Variants in CADM2 observed in about 807,000 individuals in gnomAD.
The protein encoded by CADM2 is immunoglobulin superfamily member 4D.
Under a neutral mutation model 49.8 loss-of-function variants are expected in CADM2, and 12 were observed. That is an observed-to-expected ratio of 0.24 (90% CI 0.15 to 0.39). The LOEUF is 0.39. CADM2 is among the 10% of genes least tolerant of loss of function. CADM2 has a pLI of 1.00. For missense variants in CADM2, 378 were observed against 492.3 expected (o/e 0.77, Z 2.20); for synonymous variants, 214 against 175.4 (o/e 1.22, Z -1.74).
intron 1 of CADM2, among the ~76,000 whole-genome samples, chr3:85,413,504 C>A (rs2035772224): frequency 6.6e-6 from 1 of 152,120 alleles, no homozygotes; most frequent in African/African-American, 2.4e-5. Context: ...GCTCATGGTT[C>A]TGCAGGCTGC....
At chr3:85,566,308 A>G (rs765937102) in intron 1 of CADM2, among the ~76,000 whole-genome samples, 2 of 152,154 alleles carry the variant, frequency 1.3e-5, no homozygotes, top group Non-Finnish European at 2.9e-5. Context: ...AGATTATTTC[A>G]TAATAATATG....
At chr3:85,761,089 C>T (rs1318201345) in intron 2 of CADM2, among the ~76,000 whole-genome samples, 7 of 152,054 alleles carry the variant, frequency 4.6e-5, no homozygotes, top group African/African-American at 1.2e-4. Flanking sequence ...GGATTACCTG[C>T]AGGAACATTT....
chr3:85,860,911 G>A (rs1005329171), intron 3 of CADM2, among the ~76,000 whole-genome samples: 2 of 152,114 alleles, frequency 1.3e-5, no homozygotes, highest in African/African-American at 2.4e-5. Context: ...TCTGAGGTGC[G>A]AATATAGCTT....
At chr3:85,886,160 T>C in intron 4 of CADM2, 30 bp from the exon 5 acceptor site, 1 of 1,609,786 alleles carries the variant, frequency 6.2e-7, no homozygotes, top group Non-Finnish European at 8.5e-7. Context: ...TGAAGATTGA[T>C]GCTCACTTCA....
chr3:85,879,249 AT>A (rs556757550), intron 3 of CADM2, among the ~76,000 whole-genome samples: 9 of 151,806 alleles, frequency 5.9e-5, no homozygotes, highest in Non-Finnish European at 1.2e-4. Context: ...TGAAATAGAC[AT>A]TTTTTTTAAA....
At chr3:85,500,768 C>T (rs1397773285) in intron 1 of CADM2, among the ~76,000 whole-genome samples, 2 of 152,098 alleles carry the variant, frequency 1.3e-5, no homozygotes, top group East Asian at 3.9e-4. Flanking sequence ...CCGCTTGCCT[C>T]GGCCTCCCAA....
chr3:85,676,592 C>T (rs2065892607), intron 1 of CADM2, among the ~76,000 whole-genome samples: 1 of 152,008 alleles, frequency 6.6e-6, no homozygotes, highest in Non-Finnish European at 1.5e-5. Context: ...TTACATAGGA[C>T]CTTCTATTTT....
intron 8 of CADM2, among the ~76,000 whole-genome samples, chr3:86,036,815 AGATGGT>A (rs1181379524): frequency 5.3e-5 from 8 of 152,190 alleles, no homozygotes; most frequent in Non-Finnish European, 1.2e-4. Context: ...GAAATAGAAC[AGATGGT>A]GATGGTGGTA....
intron 3 of CADM2, among the ~76,000 whole-genome samples, chr3:85,809,271 T>C (rs2072656061): frequency 6.6e-6 from 1 of 152,052 alleles, no homozygotes; most frequent in African/African-American, 2.4e-5. Flanking sequence ...ATAACTTGAG[T>C]AGTAAATGAC....
At chr3:85,464,043 T>G (rs1328784502) in intron 1 of CADM2, among the ~76,000 whole-genome samples, 2 of 152,148 alleles carry the variant, frequency 1.3e-5, no homozygotes, top group Admixed American at 6.6e-5. Context: ...CATGATGCAG[T>G]ATGAGCAATG....
chr3:85,865,276 AACTT>A (rs1404178454), intron 3 of CADM2, among the ~76,000 whole-genome samples: 1 of 152,174 alleles, frequency 6.6e-6, no homozygotes, highest in Non-Finnish European at 1.5e-5. Flanking sequence ...CCTCGGAACA[AACTT>A]AAGACCTGCA....
chr3:85,669,977 G>C (rs570572987), intron 1 of CADM2, among the ~76,000 whole-genome samples: 110 of 150,072 alleles, frequency 7.3e-4, no homozygotes, highest in African/African-American at 2.5e-3. Flanking sequence ...TCTCAGTTAG[G>C]CTACTAACTA....
chr3:85,714,972 G>A (rs766097400), intron 1 of CADM2, among the ~76,000 whole-genome samples: 28 of 151,952 alleles, frequency 1.8e-4, no homozygotes, highest in Non-Finnish European at 3.5e-4. Context: ...TACTAATACA[G>A]AGTCCAATCA....
intron 2 of CADM2, among the ~76,000 whole-genome samples, chr3:85,784,436 C>T (rs1169640719): frequency 6.6e-6 from 1 of 151,884 alleles, no homozygotes; most frequent in African/African-American, 2.4e-5. Context: ...TTTAGAAATA[C>T]AACACTCAGT....
chr3:86,064,748 T>C (rs1159574115), intron 8 of CADM2, among the ~76,000 whole-genome samples: 2 of 152,180 alleles, frequency 1.3e-5, no homozygotes, highest in African/African-American at 2.4e-5. Flanking sequence ...AAATGACCTT[T>C]TCATTTCTTC....
intron 8 of CADM2, among the ~76,000 whole-genome samples, chr3:85,990,821 C>T (rs984671099): frequency 6.6e-5 from 10 of 152,080 alleles, no homozygotes; most frequent in African/African-American, 2.2e-4. Flanking sequence ...TAAAGCCATG[C>T]GAGGCTTCTT....
At chr3:85,136,442 T>C (rs2039417098) in intron 1 of CADM2, among the ~76,000 whole-genome samples, 1 of 151,952 alleles carries the variant, frequency 6.6e-6, no homozygotes, top group Non-Finnish European at 1.5e-5. Flanking sequence ...TTGAATAATA[T>C]GTTAGCTATA....
chr3:85,470,357 T>C (rs1250083325), intron 1 of CADM2, among the ~76,000 whole-genome samples: 3 of 152,148 alleles, frequency 2.0e-5, no homozygotes, highest in Admixed American at 6.5e-5. Flanking sequence ...AGACAGGATG[T>C]TGGGATAGCT....
chr3:85,127,394 G>A lies in CADM2; in HGVS notation c.61+167726G>A, dbSNP rs926382297. On this transcript the variant is annotated intron_variant, in intron 1 of 9. Transcript: ENST00000383699. ...TGTTTTCAGTAAAACCTCTTGTAAG[G>A]ACAATGGAGTTCTTGAAATGTGGGC... Among the ~76,000 whole-genome samples, 11 of 152,132 alleles carry A rather than the reference G, an allele frequency of 7.2e-5. 1 individual carries two copies. Among genetic ancestry groups the A allele is most frequent in the African/African-American group, 2.7e-4 (11 of 41,434 alleles).
Sources: allele counts gnomAD v4.1 joint callset (sites outside exome capture counted in the v4.1 genomes callset), GRCh38; gene constraint gnomAD v4.1.1; transcripts MANE v1.5; gene names NCBI Gene and HGNC (gene_info 2026-07-23, HGNC 2026-07-21).